BCLAF1: variants seen among roughly 807,000 people sequenced by gnomAD.
The protein encoded by BCLAF1 is BCL2 associated transcription factor 1.
A neutral mutation model predicts 99.5 loss-of-function variants in BCLAF1; 10 were observed. The ratio of observed to expected loss-of-function variants is 0.10; its 90% CI spans 0.06 to 0.17. BCLAF1 has a LOEUF of 0.17. BCLAF1 is among the 10% of genes least tolerant of loss of function. The pLI, the probability that BCLAF1 is intolerant of heterozygous loss-of-function variation, is 1.00. For synonymous variants in BCLAF1, 255 were observed against 370.9 expected, an observed-to-expected ratio of 0.69 and a Z score of 3.59; for missense variants, 636 against 1,105.8, an observed-to-expected ratio of 0.58 and a Z score of 6.02.
At chr6:136,264,047 G>C (rs1350218221) in intron 11 of BCLAF1, among the ~76,000 whole-genome samples, 2 of 152,132 alleles carry the variant, frequency 1.3e-5, no homozygotes, top group Non-Finnish European at 2.9e-5. Flanking sequence ...ACATAACTCT[G>C]CTTAAGCTAC....
In BCLAF1 at chr6:136,259,786, T is replaced by TAA. The variant is rs1167946114; in HGVS notation, c.*1322_*1323dup. 9.9e-5 allele frequency: 15 copies of TAA among 152,140 alleles called. No homozygotes were observed. The highest frequency in any genetic ancestry group is 3.4e-4 in the African/African-American group (14 of 41,564). 9.4% of individuals were successfully genotyped at this position (152,140 alleles called of 1,614,324 possible). On this transcript the variant is annotated 3_prime_UTR_variant, in exon 13 of 13. Coordinates refer to ENST00000531224, the MANE Select transcript of BCLAF1 (RefSeq NM_014739.3). Reference sequence around the variant, plus strand: ...TAACAGAATAAGCATTAGCTCCTTTTAACACACACACACAACTAAATTAAC... The same window carrying TAA: ...TAACAGAATAAGCATTAGCTCCTTTTAAAACACACACACACAACTAAATTAAC...
chr6:136,268,249 C>T lies in BCLAF1; in HGVS notation c.2310G>A (p.Lys770=), dbSNP rs1337013937. Residue 770 remains lysine (K), a synonymous_variant, in exon 10 of 13, where the codon AAG becomes AAA. Coordinates refer to ENST00000531224, the MANE Select transcript of BCLAF1 (RefSeq NM_014739.3). ...TTTTAAATTCTTCTTCTCTTTCCTT[C>T]TTACTCTCCTTTTCTTCTCGAGAAC... The part of the protein sequence containing the change: ...SPSSREEKES[K]KEREEEFKTH... 6.3e-7 allele frequency: 1 copy of T among 1,597,596 alleles called. No individual in the cohort carries two copies. Among genetic ancestry groups the T allele is most frequent in the East Asian group, 2.2e-5 (1 of 44,716 alleles).
At position 136,272,049 on chromosome 6, in the gene BCLAF1, C is replaced by T. The variant is rs775010788; in HGVS notation, c.1989G>A (p.Arg663=). 1.2e-6 allele frequency: 2 copies of T among 1,603,748 alleles called. No individual in the cohort carries two copies. Among genetic ancestry groups the T allele is most frequent in the South Asian group, 2.2e-5 (2 of 90,114 alleles). The change falls in exon 8 of 13, where the codon AGG becomes AGA. Residue 663 remains arginine, a synonymous_variant. Coordinates refer to ENST00000531224, the MANE Select transcript of BCLAF1 (RefSeq NM_014739.3). The part of the protein sequence containing the change: ...RRIDISPSTL[R]KHTRLAGEER... ...CTTCCCCTGCTAAACGGGTATGCTT[C>T]CTCAGGGTACTTGGTGAGATGTCAA...
rs754701506 is a variant in BCLAF1, at chr6:136,261,090, G to A, written c.*20C>T. ...TGGTGGGTGCAAGTTCTGCTCTGTT[G>A]TAATCTTACTTCATATTTATTATTC... On this transcript the variant is annotated 3_prime_UTR_variant, in exon 13 of 13. Coordinates refer to ENST00000531224, the MANE Select transcript of BCLAF1 (RefSeq NM_014739.3). 4 of 1,570,514 alleles carry A rather than the reference G, an allele frequency of 2.5e-6. No individual in the cohort carries two copies. Among genetic ancestry groups the A allele is most frequent in the African/African-American group, 1.4e-5 (1 of 72,484 alleles).
Position 136,261,264 on chromosome 6 carries a change from C to G in BCLAF1, c.2757+1G>C, listed in dbSNP as rs747583650. 3 of 1,611,508 alleles carry G rather than the reference C, an allele frequency of 1.9e-6. No homozygotes were observed. Among genetic ancestry groups the G allele is most frequent in the Non-Finnish European group, 2.5e-6 (3 of 1,179,228 alleles). On this transcript the variant is annotated splice_donor_variant, in intron 12 of 12. Transcript: ENST00000531224. LOFTEE classifies it high-confidence loss of function. The stretch of plus-strand genomic sequence containing the variant: ...CAGAATCACAAGTTGAAATTTTATA[C>G]CTTTTCTTCCTTGCGTCTGTCCTTC...
At chr6:136,272,578 A>T (rs1460654548) in intron 7 of BCLAF1, among the ~76,000 whole-genome samples, 1 of 151,926 alleles carries the variant, frequency 6.6e-6, no homozygotes, top group South Asian at 2.1e-4. Flanking sequence ...TTCATAGCCA[A>T]TATCACTGTC....
rs1780568478 is a variant in BCLAF1 at position 136,258,082 on chromosome 6, C to CA, written c.*3027dup. 6.6e-6 allele frequency: 1 copy of CA among 152,054 alleles called. No individual in the cohort carries two copies. The highest frequency in any genetic ancestry group is 2.1e-4 in the South Asian group (1 of 4,834). The allele number at this position is 152,054 out of a possible 1,614,324, so 9.4% of individuals were successfully genotyped here. On this transcript the variant is annotated 3_prime_UTR_variant, in exon 13 of 13. Transcript: ENST00000531224. ...GCCATTTGTATGAGTCAAAATGTGT[C>CA]AGTTTGTCTTAGTACACAAATTTCT...
intron 1 of BCLAF1, among the ~76,000 whole-genome samples, chr6:136,288,690 C>T (rs1017842842): frequency 6.6e-6 from 1 of 152,214 alleles, no homozygotes; most frequent in African/African-American, 2.4e-5. Flanking sequence ...TCTGAGGTAG[C>T]AAAGTAGCTG....
At chr6:136,286,672 T>A (rs1785174810) in intron 1 of BCLAF1, among the ~76,000 whole-genome samples, 1 of 152,194 alleles carries the variant, frequency 6.6e-6, no homozygotes, top group Admixed American at 6.5e-5. Context: ...TTTCTAGACA[T>A]GCTTAATAAA....
chr6:136,261,079 T>A lies in BCLAF1; in HGVS notation c.*31A>T. ...GGTAAAAAAAATGGTGGGTGCAAGT[T>A]CTGCTCTGTTGTAATCTTACTTCAT... On this transcript the variant is annotated 3_prime_UTR_variant, in exon 13 of 13. Transcript: ENST00000531224. The A allele has an allele frequency of 6.4e-7, 1 of 1,553,880 alleles. No individual in the cohort carries two copies. Among genetic ancestry groups the A allele is most frequent in the Non-Finnish European group, 8.7e-7 (1 of 1,150,980 alleles).
chr6:136,272,144 C>G, intron 7 of BCLAF1, 65 bp from the exon 8 acceptor site: 1 of 1,124,060 alleles, frequency 8.9e-7, no homozygotes, highest in South Asian at 1.5e-5. Context: ...AACATCCACA[C>G]GATTATCCAT....
At position 136,276,020 on chromosome 6, in the gene BCLAF1, G is replaced by A. The variant is rs775473445; in HGVS notation, c.1505C>T (p.Ser502Phe). 1 of 1,610,398 alleles carries A rather than the reference G, an allele frequency of 6.2e-7. No homozygotes were observed. The highest frequency in any genetic ancestry group is 1.7e-5 in the Admixed American group (1 of 59,160). Residue 502 changes from serine to phenylalanine, a missense_variant, in exon 5 of 13, where the codon TCT becomes TTT. By Grantham distance (155) the Ser-to-Phe change is radical (BLOSUM62 -2). Around this residue, in one of 9 missense-constraint regions of BCLAF1, gnomAD observed 186 missense variants for 275.3 expected, o/e 0.68. Transcript: ENST00000531224. ...KETQSPEQVK[S>F]EKLKDLFDYS... ...ATCAAAGAGGTCTTTGAGCTTTTCA[G>A]ACTTTACCTGCTCAGGTGACTGAGT...
intron 1 of BCLAF1, among the ~76,000 whole-genome samples, chr6:136,284,132 A>ATATG (rs1784784007): frequency 2.4e-5 from 1 of 41,590 alleles, no homozygotes; most frequent in Non-Finnish European, 7.0e-5. Context: ...GTGTGTGTGT[A>ATATG]TATATATATA....
chr6:136,273,776 T>C (rs957592705), intron 6 of BCLAF1, among the ~76,000 whole-genome samples: 1 of 152,074 alleles, frequency 6.6e-6, no homozygotes, highest in East Asian at 1.9e-4. Context: ...AAATTTGATA[T>C]TGCTGTTTTG....
chr6:136,279,209 A>T (rs1784024063), intron 3 of BCLAF1, among the ~76,000 whole-genome samples: 1 of 152,200 alleles, frequency 6.6e-6, no homozygotes, highest in Non-Finnish European at 1.5e-5. Flanking sequence ...TACATAATAT[A>T]AAGTTAAGCC....
rs2128462969 is a variant in BCLAF1, at chr6:136,259,651, A to C, written c.*1459T>G. On this transcript the variant is annotated 3_prime_UTR_variant, in exon 13 of 13. Transcript: ENST00000531224. The stretch of plus-strand genomic sequence containing the variant: ...GTTTGCTTTTAGTTTTGTTTCCAAC[A>C]GTTCTTAACCAATGTTCCTGGCTGT... 6.6e-6 allele frequency: 1 copy of C among 152,154 alleles called. No homozygotes were observed. Among genetic ancestry groups the C allele is most frequent in the African/African-American group, 2.4e-5 (1 of 41,580 alleles). The allele number at this position is 152,154 out of a possible 1,614,324, so 9.4% of individuals were successfully genotyped here.
chr6:136,276,585 C>G, intron 4 of BCLAF1, 77 bp from the exon 5 acceptor site: 2 of 1,468,020 alleles, frequency 1.4e-6, no homozygotes, highest in Non-Finnish European at 1.8e-6. Context: ...AAATGTGTTG[C>G]CCAATCCCTC....
At chr6:136,276,624 T>C (rs890226714) in intron 4 of BCLAF1, 116 bp from the exon 5 acceptor site, 34 of 1,254,544 alleles carry the variant, frequency 2.7e-5, no homozygotes, top group Middle Eastern at 2.0e-4. Context: ...AATAACCCTA[T>C]TGAAAAGTGC....
intron 2 of BCLAF1, among the ~76,000 whole-genome samples, chr6:136,280,408 T>C (rs1784218955): frequency 6.6e-6 from 1 of 152,126 alleles, no homozygotes; most frequent in African/African-American, 2.4e-5. Context: ...CTAGATAGTA[T>C]CCTAGAACAA....
Sources: allele counts gnomAD v4.1 joint callset (sites outside exome capture counted in the v4.1 genomes callset), GRCh38; gene constraint gnomAD v4.1.1; regional missense constraint gnomAD v4.1.1; transcripts MANE v1.5; gene names NCBI Gene and HGNC (gene_info 2026-07-23, HGNC 2026-07-21).